GABRB3: variants seen among roughly 807,000 people sequenced by gnomAD.
The protein encoded by GABRB3 is gamma-aminobutyric acid receptor subunit beta-3.
Under a neutral mutation model 52.1 loss-of-function variants are expected in GABRB3, and 14 were observed. That is an observed-to-expected ratio of 0.27 (90% CI 0.18 to 0.42). GABRB3 has a LOEUF of 0.42. Ranked by LOEUF, GABRB3 falls within the 10% of genes least tolerant of loss-of-function variation. The pLI, the probability that GABRB3 is intolerant of heterozygous loss-of-function variation, is 1.00. For missense variants in GABRB3, 307 were observed against 609.1 expected, an observed-to-expected ratio of 0.50 and a Z score of 5.22; for synonymous variants, 260 against 232.3, an observed-to-expected ratio of 1.12 and a Z score of -1.08.
intron 7 of GABRB3, among the ~76,000 whole-genome samples, chr15:26,564,823 T>C (rs1567110181): frequency 1.1e-4 from 17 of 152,204 alleles, no homozygotes; most frequent in Non-Finnish European, 1.5e-5. Flanking sequence ...TTTTTTCTTT[T>C]CTTAAACAAA....
At chr15:26,566,788 T>G (rs1429120808) in intron 7 of GABRB3, among the ~76,000 whole-genome samples, 1 of 152,194 alleles carries the variant, frequency 6.6e-6, no homozygotes, top group African/African-American at 2.4e-5. Flanking sequence ...TATGTTTTTT[T>G]GTAAGGTACT....
At chr15:26,562,002 T>C (rs1219275448) in intron 7 of GABRB3, among the ~76,000 whole-genome samples, 2 of 152,228 alleles carry the variant, frequency 1.3e-5, no homozygotes, top group African/African-American at 2.4e-5. Context: ...GATGATCTCA[T>C]TGTTTCCCAA....
chr15:26,669,623 T>C (rs528863361), intron 3 of GABRB3, among the ~76,000 whole-genome samples: 5 of 151,914 alleles, frequency 3.3e-5, no homozygotes, highest in Admixed American at 1.3e-4. Flanking sequence ...TCTCTCTCTC[T>C]CCCCACCCCT....
chr15:26,563,847 CTTAT>C (rs142457232), intron 7 of GABRB3, among the ~76,000 whole-genome samples: 3,924 of 152,060 alleles, frequency 0.026, 190 homozygotes, highest in African/African-American at 0.089. Context: ...CTAGCCTCAA[CTTAT>C]TTGTCATTTA....
intron 4 of GABRB3, among the ~76,000 whole-genome samples, chr15:26,619,383 T>G (rs369207734): frequency 5.3e-5 from 8 of 151,312 alleles, no homozygotes; most frequent in Non-Finnish European, 1.2e-4. Flanking sequence ...ATGGATGAAA[T>G]TGGAAATCAT....
chr15:26,765,383 A>T (rs1890970142), intron 3 of GABRB3, among the ~76,000 whole-genome samples: 1 of 152,166 alleles, frequency 6.6e-6, no homozygotes, highest in South Asian at 2.1e-4. Context: ...AGACTTTGTG[A>T]TCTTTGGTTG....
At chr15:26,763,471 A>C (rs910420398) in intron 3 of GABRB3, among the ~76,000 whole-genome samples, 1 of 152,184 alleles carries the variant, frequency 6.6e-6, no homozygotes, top group African/African-American at 2.4e-5. Flanking sequence ...CCATTCTAGT[A>C]TACTTTTGGC....
chr15:26,562,144 C>T (rs1451394296), intron 7 of GABRB3, among the ~76,000 whole-genome samples: 1 of 152,100 alleles, frequency 6.6e-6, no homozygotes, highest in African/African-American at 2.4e-5. Context: ...AGTGACATGC[C>T]CAGAGCTTGT....
At position 26,705,937 on chromosome 15, in the gene GABRB3, A is replaced by AT. The variant is rs1445673779; in HGVS notation, c.240+66464dup. ...GCAGGCAAGAGCTGAAAAACTTCCT[A>AT]TTGGGTACCATGTTCACCATCTGGG... On this transcript the variant is annotated intron_variant, in intron 3 of 8. Transcript: ENST00000311550. 2.0e-5 allele frequency among the ~76,000 whole-genome samples: 3 copies of AT among 152,162 alleles called. No individual in the cohort carries two copies. In the East Asian group the frequency reaches 5.8e-4, roughly 29 times the overall value.
intron 4 of GABRB3, chr15:26,612,164 G>C (rs1403242155): frequency 6.6e-6 from 1 of 152,096 alleles, no homozygotes; most frequent in Non-Finnish European, 1.5e-5. Flanking sequence ...TTCATGGTGG[G>C]CCACAAGAAG....
intron 3 of GABRB3, among the ~76,000 whole-genome samples, chr15:26,724,723 C>T (rs1446607469): frequency 6.6e-6 from 1 of 152,168 alleles, no homozygotes; most frequent in East Asian, 1.9e-4. Flanking sequence ...AGACTAACTG[C>T]ACATGTGCAT....
chr15:26,761,509 T>A lies in GABRB3; in HGVS notation c.240+10893A>T, dbSNP rs533895059. Among the ~76,000 whole-genome samples, 165 of 152,214 alleles carry A rather than the reference T, an allele frequency of 1.1e-3. 1 individual carries two copies. The highest frequency in any genetic ancestry group is 3.9e-3 in the African/African-American group (162 of 41,554). ...CATCCAAACAGAATTTCATTTTATA[T>A]GTAAATATATCTGATATAAAAATTA... On this transcript the variant is annotated intron_variant, in intron 3 of 8. Transcript: ENST00000311550.
chr15:26,593,981 A>AATATATATATATATAT (rs61218096), intron 4 of GABRB3, among the ~76,000 whole-genome samples: 44 of 133,964 alleles, frequency 3.3e-4, no homozygotes, highest in African/African-American at 4.8e-4. Context: ...CTCATTTTAA[A>AATATATATATATATAT]ATATATATAT....
At chr15:26,758,573 A>G (rs8023800) in intron 3 of GABRB3, among the ~76,000 whole-genome samples, 139,154 of 152,174 alleles carry the variant, frequency 0.91, 63,675 homozygotes, top group East Asian at 1. Context: ...GAACCAGTGC[A>G]GGACAATCTG....
chr15:26,553,782 A>G (rs1280795304), intron 8 of GABRB3, among the ~76,000 whole-genome samples: 2 of 151,970 alleles, frequency 1.3e-5, no homozygotes, highest in Non-Finnish European at 2.9e-5. Context: ...GAACACAAGA[A>G]GGTCCTCACC....
chr15:26,643,426 C>T (rs1199526976), intron 3 of GABRB3, among the ~76,000 whole-genome samples: 1 of 152,186 alleles, frequency 6.6e-6, no homozygotes, highest in Non-Finnish European at 1.5e-5. Flanking sequence ...CAGAGTCACT[C>T]CATACAGCAA....
intron 4 of GABRB3, among the ~76,000 whole-genome samples, chr15:26,588,055 T>C (rs1429990318): frequency 6.6e-6 from 1 of 152,186 alleles, no homozygotes; most frequent in African/African-American, 2.4e-5. Context: ...GCTTAGGGTC[T>C]CTGTGACTAC....
chr15:26,577,829 C>T (rs1890648315), intron 6 of GABRB3, among the ~76,000 whole-genome samples: 1 of 152,194 alleles, frequency 6.6e-6, no homozygotes, highest in African/African-American at 2.4e-5. Context: ...CAGCATCTTG[C>T]AGGCTGGACT....
At chr15:26,654,141 G>GT (rs1183869588) in intron 3 of GABRB3, among the ~76,000 whole-genome samples, 7 of 152,180 alleles carry the variant, frequency 4.6e-5, no homozygotes, top group African/African-American at 1.7e-4. Flanking sequence ...AAACAAAGGT[G>GT]TTTTTTTGTT....
Sources: allele counts gnomAD v4.1 joint callset (sites outside exome capture counted in the v4.1 genomes callset), GRCh38; gene constraint gnomAD v4.1.1; transcripts MANE v1.5; gene names NCBI Gene and HGNC (gene_info 2026-07-23, HGNC 2026-07-21).